The following ADGRF3 variants were observed in gnomAD, a reference collection of about 807,000 sequenced individuals.
ADGRF3 encodes adhesion G protein-coupled receptor F3.
Under a neutral mutation model 93.2 loss-of-function variants are expected in ADGRF3, and 85 were observed. The observed-to-expected ratio is 0.91, with a 90% CI of 0.77 to 1.09. ADGRF3 has a LOEUF of 1.09. ADGRF3 is among the 50% of genes least tolerant of loss of function. The pLI is 0.00. For missense variants in ADGRF3, 1,125 were observed against 1,246.2 expected, an observed-to-expected ratio of 0.90 and a Z score of 1.46; for synonymous variants, 534 against 532.5, an observed-to-expected ratio of 1.00 and a Z score of -0.04.
chr2:26,316,839 A>T, intron 3 of ADGRF3, 73 bp downstream of exon 3: 25 of 1,460,736 alleles, frequency 1.7e-5, no homozygotes, highest in Non-Finnish European at 2.2e-5. Flanking sequence ...ACAGAGTCTC[A>T]GGCAAGCTGG....
chr2:26,313,445 C>T lies in ADGRF3; in HGVS notation c.1201G>A (p.Gly401Arg), dbSNP rs375672733. The T allele has an allele frequency of 9.3e-6, 15 of 1,610,214 alleles. No homozygotes were observed. Among genetic ancestry groups the T allele is most frequent in the East Asian group, 6.7e-5 (3 of 44,692 alleles). ...GIVRRLCGAD[G>R]VWGPVHSSCT... is the part of the protein sequence containing the mutation. Reference sequence around the variant, plus strand: ...CTGCTGTGGACCGGCCCCCAGACTCCGTCAGCCCCACAGAGCCTCCTCACT... The same window carrying T: ...CTGCTGTGGACCGGCCCCCAGACTCTGTCAGCCCCACAGAGCCTCCTCACT... Residue 401 changes from glycine (G) to arginine (R), a missense_variant, in exon 8 of 14, where the codon GGA becomes AGA. Transcript: ENST00000651242.
intron 9 of ADGRF3, 75 bp from the exon 10 acceptor site, chr2:26,312,149 A>G: frequency 7.2e-7 from 1 of 1,395,606 alleles, no homozygotes; most frequent in Non-Finnish European, 9.7e-7. Context: ...TGAGAACAAC[A>G]GACCCCACAC....
intron 1 of ADGRF3, among the ~76,000 whole-genome samples, chr2:26,328,062 C>G (rs1675542373): frequency 6.6e-6 from 1 of 152,172 alleles, no homozygotes; most frequent in African/African-American, 2.4e-5. Context: ...TGATTCGAGA[C>G]AACCACTTCA....
intron 5 of ADGRF3, 146 bp downstream of exon 5, chr2:26,315,376 G>C (rs1674556931): frequency 4.4e-6 from 4 of 912,036 alleles, no homozygotes; most frequent in Non-Finnish European, 6.5e-6. Flanking sequence ...AAGATGAAAA[G>C]GGTGAGAAAG....
chr2:26,339,114 CAAAAA>C (rs61584458), intron 1 of ADGRF3, among the ~76,000 whole-genome samples: 1 of 39,672 alleles, frequency 2.5e-5, no homozygotes. Flanking sequence ...GACTCCGTCA[CAAAAA>C]AAAAAAAAAA....
At chr2:26,316,008 T>G (rs1333312129) in intron 4 of ADGRF3, among the ~76,000 whole-genome samples, 1 of 152,210 alleles carries the variant, frequency 6.6e-6, no homozygotes, top group Admixed American at 6.5e-5. Flanking sequence ...CTACTGGAGC[T>G]GCTTCCTGCC....
intron 1 of ADGRF3, among the ~76,000 whole-genome samples, chr2:26,328,118 A>C (rs1228043001): frequency 6.6e-6 from 1 of 152,186 alleles, no homozygotes; most frequent in Non-Finnish European, 1.5e-5. Context: ...GAGTTAAAAT[A>C]TATGGTCTTT....
intron 1 of ADGRF3, among the ~76,000 whole-genome samples, chr2:26,331,421 G>A (rs919236582): frequency 2.0e-5 from 3 of 152,246 alleles, no homozygotes; most frequent in Non-Finnish European, 4.4e-5. Flanking sequence ...GGGGTGGCAC[G>A]CACCTGTAAT....
intron 9 of ADGRF3, 81 bp from the exon 10 acceptor site, chr2:26,312,155 C>T (rs1674224301): frequency 1.5e-6 from 2 of 1,347,568 alleles, no homozygotes; most frequent in African/African-American, 2.9e-5. Context: ...CAACAGACCC[C>T]ACACCTTCCC....
chr2:26,309,762 A>G (rs540169604), intron 12 of ADGRF3, among the ~76,000 whole-genome samples, 181 bp from the exon 13 acceptor site: 40 of 152,282 alleles, frequency 2.6e-4, no homozygotes, highest in Non-Finnish European at 4.4e-4. Flanking sequence ...TTTTCCTTCA[A>G]ATGCTAACTG....
chr2:26,312,469 C>G (rs1466379746), intron 9 of ADGRF3, among the ~76,000 whole-genome samples: 1 of 152,214 alleles, frequency 6.6e-6, no homozygotes, highest in Admixed American at 6.5e-5. Context: ...AGGCGACGGC[C>G]ACACGCATGT....
Position 26,313,507 on chromosome 2 carries a change from A to T in ADGRF3, c.1139T>A (p.Val380Glu), listed in dbSNP as rs1326807394. The change falls in exon 8 of 14, where the codon GTG becomes GAG. Residue 380 changes from valine to glutamate, a missense_variant. Physicochemically the swap from Val to Glu is moderately radical, Grantham distance 121 (BLOSUM62 -2). Transcript: ENST00000651242. ...LTWNVTKAGH[V>E]AQAPCPESKR... is the part of the protein sequence containing the mutation. ...GCTCTCAGGACATGGGGCCTGTGCC[A>T]CGTGGCCAGCCTTGGTGACATTCCA... 1 of 1,611,954 alleles carries T rather than the reference A, an allele frequency of 6.2e-7. No homozygotes were observed. The highest frequency in any genetic ancestry group is 1.7e-5 in the Admixed American group (1 of 59,834).
In ADGRF3 at chr2:26,309,069, A is replaced by G. The variant is rs767555385; in HGVS notation, c.*17T>C. 2.6e-5 allele frequency: 42 copies of G among 1,613,892 alleles called. No homozygotes were observed. Among genetic ancestry groups the G allele is most frequent in the Non-Finnish European group, 3.3e-5 (39 of 1,179,894 alleles). The stretch of plus-strand genomic sequence containing the variant: ...ACAGCCTCAACTCCCTTGCAGGAAC[A>G]TGGGTCCGTGTGTGGTTCACTCTGA... On this transcript the variant is annotated 3_prime_UTR_variant, in exon 14 of 14. Coordinates refer to ENST00000651242, the MANE Select transcript of ADGRF3 (RefSeq NM_001321971.2).
chr2:26,336,315 A>AGTGTGTGTGT (rs71399385), intron 1 of ADGRF3, among the ~76,000 whole-genome samples: 7,752 of 148,530 alleles, frequency 0.052, 238 homozygotes, highest in Non-Finnish European at 0.07. Flanking sequence ...GGAGATCAAG[A>AGTGTGTGTGT]GTGTGTGTGT....
intron 1 of ADGRF3, among the ~76,000 whole-genome samples, chr2:26,327,110 A>G (rs930319170): frequency 5.9e-5 from 9 of 152,152 alleles, no homozygotes; most frequent in African/African-American, 1.9e-4. Context: ...ATCTCTGATT[A>G]CAGTACAGTC....
chr2:26,312,986 A>C lies in ADGRF3; in HGVS notation c.1406T>G (p.Val469Gly). The change falls in exon 9 of 14, where the codon GTG becomes GGG. Residue 469 changes from valine to glycine, a missense_variant. Transcript: ENST00000651242. ...LLSTMKYVAK[V>G]VAEARIQLDR... ...AAGCTGTATTCTGGCCTCTGCCACCACCTTGGCCACGTATTTCATGGTGCT... is the reference window on the plus strand; with the variant it reads ...AAGCTGTATTCTGGCCTCTGCCACCCCCTTGGCCACGTATTTCATGGTGCT... 6.2e-7 allele frequency: 1 copy of C among 1,613,722 alleles called. No individual in the cohort carries two copies. The highest frequency in any genetic ancestry group is 8.5e-7 in the Non-Finnish European group (1 of 1,179,772).
chr2:26,314,617 T>C lies in ADGRF3; in HGVS notation c.725A>G (p.Tyr242Cys). The change falls in exon 6 of 14, where the codon TAC becomes TGC. Residue 242 changes from tyrosine (Y) to cysteine (C), a missense_variant. Coordinates refer to ENST00000651242, the MANE Select transcript of ADGRF3 (RefSeq NM_001321971.2). ...GCCCTGGGCCTCGAAGCAGCTCATG[T>C]ACTCACCTGCAGAAACGTGTGTGCG... ...SNMSHHWAGEYMSCFEAQGFK... is the reference protein window; with the variant it reads ...SNMSHHWAGECMSCFEAQGFK... The C allele has an allele frequency of 1.2e-6, 2 of 1,613,742 alleles. No homozygotes were observed. Among genetic ancestry groups the C allele is most frequent in the Non-Finnish European group, 1.7e-6 (2 of 1,179,664 alleles).
At chr2:26,325,869 GACCT>G (rs1675405882) in intron 1 of ADGRF3, among the ~76,000 whole-genome samples, 1 of 152,084 alleles carries the variant, frequency 6.6e-6, no homozygotes, top group Non-Finnish European at 1.5e-5. Flanking sequence ...AGGTATAGAT[GACCT>G]ACCTAAGTGT....
At chr2:26,323,309 T>A (rs953546438) in intron 1 of ADGRF3, among the ~76,000 whole-genome samples, 1 of 152,168 alleles carries the variant, frequency 6.6e-6, no homozygotes, top group Non-Finnish European at 1.5e-5. Context: ...AAGTCCAAAG[T>A]GAACCACAAG....
Sources: gnomAD v4.1 joint callset for allele counts (sites outside exome capture counted in the v4.1 genomes callset) on GRCh38, gnomAD v4.1.1 for gene constraint, MANE v1.5 for transcripts, NCBI Gene and HGNC (gene_info 2026-07-23, HGNC 2026-07-21) for gene names.